Variants in ZMYND11 observed in about 807,000 individuals in gnomAD.
The protein encoded by ZMYND11 is zinc finger MYND domain-containing protein 11.
In ZMYND11, 9 loss-of-function variants were observed where a neutral mutation model predicts 84.9. That is an observed-to-expected ratio of 0.11 (90% CI 0.06 to 0.18). ZMYND11 has a LOEUF of 0.18. Among genes scored for constraint, ZMYND11 ranks in the 10% least tolerant of loss-of-function variants. The pLI is 1.00. For missense variants in ZMYND11, 409 were observed against 761.0 expected (o/e 0.54, Z 5.44); for synonymous variants, 250 against 244.1 (o/e 1.02, Z -0.23).
chr10:143,877 G>C (rs1268163982), intron 1 of ZMYND11, among the ~76,000 whole-genome samples: 1 of 151,900 alleles, frequency 6.6e-6, no homozygotes, highest in East Asian at 1.9e-4. Context: ...GGTAGCTCAC[G>C]CCTGTCATCA....
chr10:159,802 T>C (rs1842575257), intron 1 of ZMYND11, among the ~76,000 whole-genome samples: 2 of 152,202 alleles, frequency 1.3e-5, no homozygotes, highest in South Asian at 4.1e-4. Context: ...TACTCTTTGG[T>C]TTTAAAGGAA....
Position 237,659 on chromosome 10 carries a change from C to G in ZMYND11, c.591C>G (p.Asp197Glu). Residue 197 changes from aspartate (D) to glutamate (E), a missense_variant, in exon 6 of 15, where the codon GAC becomes GAG. By Grantham distance (45) the Asp-to-Glu change is conservative. This residue lies in a region of ZMYND11 where 53 missense variants were observed against 71.1 expected (regional missense o/e 0.75). Coordinates refer to ENST00000381604, the MANE Select transcript of ZMYND11 (RefSeq NM_001370100.5). ...GGAGGCTGGTGCACTCAGCTGTGGA[C>G]GTTCCCACCATTCAAGAGGTAAAGT... ...MYRRLVHSAV[D>E]VPTIQEKVNE... 6.2e-7 allele frequency: 1 copy of G among 1,609,980 alleles called. No individual in the cohort carries two copies. Among genetic ancestry groups the G allele is most frequent in the Non-Finnish European group, 8.5e-7 (1 of 1,178,828 alleles).
intron 2 of ZMYND11, among the ~76,000 whole-genome samples, chr10:199,812 A>G (rs1461570648): frequency 8.7e-6 from 1 of 114,892 alleles, no homozygotes; most frequent in Admixed American, 1.0e-4. Context: ...TTATTTTACT[A>G]GTATTAACAT....
At chr10:136,637 A>G (rs1836154797) in intron 1 of ZMYND11, among the ~76,000 whole-genome samples, 1 of 152,048 alleles carries the variant, frequency 6.6e-6, no homozygotes, top group Non-Finnish European at 1.5e-5. Context: ...ATACGAGTGT[A>G]TGTAGTATCT....
intron 7 of ZMYND11, chr10:239,817 C>G: frequency 1.8e-6 from 1 of 543,860 alleles, no homozygotes; most frequent in Non-Finnish European, 3.2e-6. Context: ...GATCATTTCC[C>G]CACTAGTACC....
At chr10:242,201 G>T in intron 10 of ZMYND11, 62 bp downstream of exon 10, 1 of 1,571,772 alleles carries the variant, frequency 6.4e-7, no homozygotes, top group South Asian at 1.2e-5. Context: ...AAGAAAGTTT[G>T]ATGATTTCTC....
intron 2 of ZMYND11, among the ~76,000 whole-genome samples, chr10:181,192 G>T (rs1336693318): frequency 6.6e-6 from 1 of 152,082 alleles, no homozygotes; most frequent in Non-Finnish European, 1.5e-5. Flanking sequence ...AGATGCTATG[G>T]GTAGAAATGG....
At chr10:181,849 A>G (rs1393292175) in intron 2 of ZMYND11, among the ~76,000 whole-genome samples, 1 of 152,216 alleles carries the variant, frequency 6.6e-6, no homozygotes. Context: ...TTTTAAATAA[A>G]GCACATAATT....
intron 2 of ZMYND11, among the ~76,000 whole-genome samples, chr10:203,865 G>A (rs965264540): frequency 3.3e-5 from 5 of 152,094 alleles, no homozygotes; most frequent in Non-Finnish European, 7.4e-5. Flanking sequence ...TTGAAAAATA[G>A]TAGTGTCTTA....
At chr10:154,121 T>C (rs1841100749) in intron 1 of ZMYND11, among the ~76,000 whole-genome samples, 1 of 152,248 alleles carries the variant, frequency 6.6e-6, no homozygotes, top group African/African-American at 2.4e-5. Context: ...TATAACTTCA[T>C]CACATGCTAT....
intron 9 of ZMYND11, 107 bp from the exon 10 acceptor site, chr10:241,914 A>G: frequency 7.3e-7 from 1 of 1,372,344 alleles, no homozygotes; most frequent in Non-Finnish European, 1.0e-6. Context: ...GTTATGAAAG[A>G]AATATTTTAG....
intron 1 of ZMYND11, among the ~76,000 whole-genome samples, chr10:152,854 C>A (rs1840731406): frequency 6.6e-6 from 1 of 152,190 alleles, no homozygotes; most frequent in Non-Finnish European, 1.5e-5. Context: ...GAAATTATAA[C>A]AAACTGTCTC....
At chr10:246,664 C>A (rs779957235) in intron 10 of ZMYND11, 102 bp from the exon 11 acceptor site, 36 of 1,100,476 alleles carry the variant, frequency 3.3e-5, no homozygotes, top group Non-Finnish European at 4.7e-5. Context: ...AGAACTGCCA[C>A]AGGTCGCACT....
intron 1 of ZMYND11, among the ~76,000 whole-genome samples, chr10:138,042 A>C (rs782782802): frequency 5.9e-5 from 9 of 152,172 alleles, no homozygotes; most frequent in Admixed American, 1.3e-4. Flanking sequence ...TTCCAGCTTC[A>C]CAAAAAGAAA....
upstream of ZMYND11, among the ~76,000 whole-genome samples, chr10:130,313 G>A (rs1835286613): frequency 6.6e-6 from 1 of 152,176 alleles, no homozygotes; most frequent in African/African-American, 2.4e-5. Context: ...TGAGGAACTG[G>A]AGATGCACCT....
At chr10:142,694 C>T (rs1837768256) in intron 1 of ZMYND11, among the ~76,000 whole-genome samples, 1 of 152,132 alleles carries the variant, frequency 6.6e-6, no homozygotes, top group East Asian at 1.9e-4. Flanking sequence ...TTTTATAAGT[C>T]TGCAAAAGTA....
Position 180,046 on chromosome 10 carries a change from A to C in ZMYND11, c.34A>C (p.Thr12Pro). The change falls in exon 2 of 15, where the codon ACA becomes CCA. Residue 12 changes from threonine (T) to proline (P), a missense_variant. Physicochemically the swap from Thr to Pro is conservative, Grantham distance 38. Transcript: ENST00000381604. ...ARLTKRRQAD[T>P]KAIQHLWAAI... is the part of the protein sequence containing the mutation. Reference sequence around the variant, plus strand: ...TTTAACAAAAAGACGACAGGCGGATACAAAAGCTATCCAGCATCTTTGGGC... The same window carrying C: ...TTTAACAAAAAGACGACAGGCGGATCCAAAAGCTATCCAGCATCTTTGGGC... 6.2e-7 allele frequency: 1 copy of C among 1,613,896 alleles called. No homozygotes were observed. Among genetic ancestry groups the C allele is most frequent in the Non-Finnish European group, 8.5e-7 (1 of 1,179,824 alleles).
chr10:154,079 A>G (rs1554757948), intron 1 of ZMYND11, among the ~76,000 whole-genome samples: 2 of 152,342 alleles, frequency 1.3e-5, no homozygotes, highest in Admixed American at 1.3e-4. Flanking sequence ...ATTGATCGTC[A>G]TCCCATGAAT....
intron 1 of ZMYND11, among the ~76,000 whole-genome samples, chr10:137,150 T>A (rs186062408): frequency 6.6e-6 from 1 of 152,092 alleles, no homozygotes; most frequent in African/African-American, 2.4e-5. Context: ...CAGTGTCAGA[T>A]GCAGTGTGTA....
Sources: allele counts gnomAD v4.1 joint callset (sites outside exome capture counted in the v4.1 genomes callset), GRCh38; gene constraint gnomAD v4.1.1; regional missense constraint gnomAD v4.1.1; transcripts MANE v1.5; gene names NCBI Gene and HGNC (gene_info 2026-07-23, HGNC 2026-07-21).